KCNT2: variants seen among roughly 807,000 people sequenced by gnomAD.
The protein encoded by KCNT2 is potassium sodium-activated channel subfamily T member 2, also known as potassium channel subfamily T member 2.
KCNT2 carries 67 observed loss-of-function variants against 153.8 expected under a neutral mutation model. The observed-to-expected ratio is 0.44, with a 90% CI of 0.36 to 0.53. The LOEUF (loss-of-function observed/expected upper bound fraction) is 0.53, where lower values mean the gene tolerates loss of function less well. Ranked by LOEUF, KCNT2 falls within the 20% of genes least tolerant of loss-of-function variation. The pLI, the probability that KCNT2 is intolerant of heterozygous loss-of-function variation, is 0.00. For missense variants in KCNT2, 975 were observed against 1,354.8 expected (o/e 0.72, Z 4.40); for synonymous variants, 500 against 458.8 (o/e 1.09, Z -1.15).
chr1:196,415,384 A>G (rs541619451), intron 12 of KCNT2, among the ~76,000 whole-genome samples: 11 of 151,802 alleles, frequency 7.2e-5, no homozygotes, highest in Non-Finnish European at 1.6e-4. Flanking sequence ...CCTAAGAAAC[A>G]ATATATTACA....
chr1:196,332,046 C>T (rs1326171801), intron 17 of KCNT2, among the ~76,000 whole-genome samples: 2 of 151,968 alleles, frequency 1.3e-5, no homozygotes, highest in African/African-American at 4.8e-5. Flanking sequence ...AAATAATATT[C>T]CTTTATCCAA....
At chr1:196,310,252 T>G (rs1307787624) in intron 21 of KCNT2, among the ~76,000 whole-genome samples, 1 of 151,830 alleles carries the variant, frequency 6.6e-6, no homozygotes, top group South Asian at 2.1e-4. Context: ...TAACAGGGGG[T>G]ATACATTAAT....
chr1:196,480,346 G>T (rs1342196775), intron 4 of KCNT2, among the ~76,000 whole-genome samples: 1 of 152,004 alleles, frequency 6.6e-6, no homozygotes, highest in African/African-American at 2.4e-5. Context: ...TAAAACAGGA[G>T]AACAATAAGA....
intron 27 of KCNT2, among the ~76,000 whole-genome samples, chr1:196,230,205 G>A (rs962147839): frequency 3.9e-5 from 6 of 151,908 alleles, no homozygotes; most frequent in African/African-American, 7.2e-5. Context: ...TAATGCATTC[G>A]GTGACTTTCA....
At chr1:196,583,663 A>G (rs916043603) in intron 1 of KCNT2, among the ~76,000 whole-genome samples, 4 of 152,066 alleles carry the variant, frequency 2.6e-5, no homozygotes, top group African/African-American at 7.2e-5. Flanking sequence ...AAGAAGAATG[A>G]TATCATAGAA....
intron 19 of KCNT2, among the ~76,000 whole-genome samples, chr1:196,320,138 A>G (rs1201749365): frequency 6.6e-6 from 1 of 151,734 alleles, no homozygotes; most frequent in South Asian, 2.1e-4. Context: ...TTATTGATAT[A>G]CTCTCTATAT....
Position 196,342,083 on chromosome 1 carries a change from T to G in KCNT2, c.1549A>C (p.Lys517Gln). Residue 517 changes from lysine (K) to glutamine (Q), a missense_variant, in exon 15 of 28, where the codon AAA becomes CAA. This residue lies in a region of KCNT2 where 325 missense variants were observed against 388.1 expected (regional missense o/e 0.84). Transcript: ENST00000294725. ...SFTYASFHAH[K>Q]KFGVCLIGVR... is the part of the protein sequence containing the mutation. The stretch of plus-strand genomic sequence containing the variant: ...TTCTCTGAGGCAGAAACATACTTTT[T>G]GTGTGCATGGAAAGAGGCATATGTA... 1 of 1,599,280 alleles carries G rather than the reference T, an allele frequency of 6.3e-7. No individual in the cohort carries two copies. The highest frequency in any genetic ancestry group is 8.5e-7 in the Non-Finnish European group (1 of 1,172,966).
intron 12 of KCNT2, among the ~76,000 whole-genome samples, chr1:196,413,602 G>A (rs1672514050): frequency 6.6e-6 from 1 of 151,552 alleles, no homozygotes; most frequent in Non-Finnish European, 1.5e-5. Flanking sequence ...AAAAGCGTAT[G>A]TCATGTGCTT....
At chr1:196,572,150 A>C (rs1660852106) in intron 1 of KCNT2, among the ~76,000 whole-genome samples, 1 of 152,204 alleles carries the variant, frequency 6.6e-6, no homozygotes, top group South Asian at 2.1e-4. Context: ...TAAGAGAGTA[A>C]GGTAGTGACA....
chr1:196,394,412 T>C (rs573261453), intron 13 of KCNT2, among the ~76,000 whole-genome samples: 1 of 151,656 alleles, frequency 6.6e-6, no homozygotes, highest in East Asian at 1.9e-4. Context: ...GGACAAGATG[T>C]GGGATTGGAT....
chr1:196,438,783 T>C (rs1290067509), intron 8 of KCNT2, among the ~76,000 whole-genome samples: 2 of 151,898 alleles, frequency 1.3e-5, no homozygotes, highest in Non-Finnish European at 2.9e-5. Context: ...ATCCTATATG[T>C]ATATATTTAT....
At chr1:196,263,766 CCT>C (rs1240417191) in intron 25 of KCNT2, among the ~76,000 whole-genome samples, 1 of 152,112 alleles carries the variant, frequency 6.6e-6, no homozygotes, top group Non-Finnish European at 1.5e-5. Context: ...AAACGAAGCA[CCT>C]CTTTCTCCAT....
At chr1:196,510,070 A>C (rs181419162) in intron 1 of KCNT2, among the ~76,000 whole-genome samples, 1 of 152,290 alleles carries the variant, frequency 6.6e-6, no homozygotes, top group East Asian at 1.9e-4. Context: ...GAATAAAGAG[A>C]AAAATATGTA....
At chr1:196,540,643 T>A (rs901754322) in intron 1 of KCNT2, among the ~76,000 whole-genome samples, 1 of 152,140 alleles carries the variant, frequency 6.6e-6, no homozygotes, top group Non-Finnish European at 1.5e-5. Flanking sequence ...TCATAGTTGT[T>A]CAGTTCTACA....
intron 21 of KCNT2, among the ~76,000 whole-genome samples, chr1:196,310,824 T>G (rs1245186645): frequency 6.6e-6 from 1 of 151,906 alleles, no homozygotes; most frequent in Non-Finnish European, 1.5e-5. Flanking sequence ...ATTTCTTTAT[T>G]CTTCAATGAT....
chr1:196,456,815 A>G (rs1457172527), intron 8 of KCNT2, among the ~76,000 whole-genome samples: 2 of 152,000 alleles, frequency 1.3e-5, no homozygotes, highest in Non-Finnish European at 2.9e-5. Flanking sequence ...TCAATAAATG[A>G]CACAGGCATA....
chr1:196,484,101 C>A (rs550852832), intron 3 of KCNT2, among the ~76,000 whole-genome samples: 1 of 152,052 alleles, frequency 6.6e-6, no homozygotes, highest in Non-Finnish European at 1.5e-5. Flanking sequence ...AAGTAGGTAG[C>A]AATCTCTGGA....
chr1:196,232,966 G>T (rs1289873384), intron 27 of KCNT2, among the ~76,000 whole-genome samples: 1 of 151,062 alleles, frequency 6.6e-6, no homozygotes, highest in Non-Finnish European at 1.5e-5. Flanking sequence ...AAAGGTATAA[G>T]AAGGCTGGAA....
At position 196,480,940 on chromosome 1, in the gene KCNT2, C is replaced by T. The variant is rs987047153; in HGVS notation, c.324+1391G>A. Among the ~76,000 whole-genome samples the T allele has an allele frequency of 4.4e-4, 60 of 137,066 alleles. 1 individual carries two copies. Among genetic ancestry groups the T allele is most frequent in the African/African-American group, 1.5e-3 (56 of 37,068 alleles). The allele number at this position is 137,066 out of a possible 152,430, so 89.9% of individuals were successfully genotyped here. A position where few individuals can be genotyped will look rare whatever the true frequency, so the allele number is the denominator to read the frequency against. On this transcript the variant is annotated intron_variant, in intron 4 of 27. Coordinates refer to ENST00000294725, the MANE Select transcript of KCNT2 (RefSeq NM_198503.5). ...GTTTTAAAAAGCAATTTGAATAGAT[C>T]AAAATATATTTGAAGATAATATATG...
Sources: allele counts gnomAD v4.1 joint callset (sites outside exome capture counted in the v4.1 genomes callset), GRCh38; gene constraint gnomAD v4.1.1; regional missense constraint gnomAD v4.1.1; transcripts MANE v1.5; gene names NCBI Gene and HGNC (gene_info 2026-07-23, HGNC 2026-07-21).